WRN: variants seen among roughly 807,000 people sequenced by gnomAD.
The protein encoded by WRN is bifunctional 3'-5' exonuclease/ATP-dependent helicase WRN.
A neutral mutation model predicts 180.7 loss-of-function variants in WRN; 149 were observed. That is an observed-to-expected ratio of 0.82 (90% CI 0.72 to 0.94). WRN has a LOEUF of 0.94. Ranked by LOEUF, WRN falls within the 40% of genes least tolerant of loss-of-function variation. The probability of loss-of-function intolerance (pLI) is 0.00; values close to 1 mark genes in which losing one functional copy is unlikely to be tolerated. For synonymous variants in WRN, 548 were observed against 568.9 expected (o/e 0.96, Z 0.52); for missense variants, 1,661 against 1,700.1 (o/e 0.98, Z 0.40).
chr8:31,148,380 A>G (rs1802952239), intron 30 of WRN, among the ~76,000 whole-genome samples: 1 of 151,908 alleles, frequency 6.6e-6, no homozygotes, highest in Non-Finnish European at 1.5e-5. Flanking sequence ...ACCAAACTAA[A>G]TCTTCCTTTA....
chr8:31,146,136 CCTT>C (rs1359686169), intron 28 of WRN, among the ~76,000 whole-genome samples: 2 of 151,684 alleles, frequency 1.3e-5, no homozygotes, highest in Non-Finnish European at 2.9e-5. Flanking sequence ...CTGGCGTGTG[CCTT>C]CTTATTTCTG....
intron 33 of WRN, among the ~76,000 whole-genome samples, chr8:31,163,778 T>A (rs1803732047): frequency 6.6e-6 from 1 of 152,090 alleles, no homozygotes; most frequent in African/African-American, 2.4e-5. Flanking sequence ...ACATACAATA[T>A]GAAAAAGTAT....
chr8:31,103,764 T>C (rs1800972613), intron 18 of WRN, among the ~76,000 whole-genome samples: 1 of 152,166 alleles, frequency 6.6e-6, no homozygotes, highest in Admixed American at 6.5e-5. Context: ...TGAGACAGTC[T>C]GGTTCTGTCA....
chr8:31,131,160 C>CTTTTCTTTTTT (rs1554530523), intron 23 of WRN, among the ~76,000 whole-genome samples: 6 of 106,840 alleles, frequency 5.6e-5, no homozygotes, highest in Non-Finnish European at 1.8e-5. Flanking sequence ...TTGCAACTTT[C>CTTTTCTTTTTT]TTTTTTTTTG....
chr8:31,052,478 C>T (rs1812112302), intron 1 of WRN, among the ~76,000 whole-genome samples: 1 of 152,108 alleles, frequency 6.6e-6, no homozygotes, highest in Admixed American at 6.5e-5. Flanking sequence ...ACCTCTGCCT[C>T]CTGGGCTCAA....
In WRN at chr8:31,087,926, C is replaced by T. The variant is rs1428635169; in HGVS notation, c.1576+6C>T. The T allele has an allele frequency of 1.9e-6, 3 of 1,611,886 alleles. No homozygotes were observed. The East Asian group carries it at 6.7e-5, about 36-fold the overall frequency. On this transcript the variant is annotated splice_donor_region_variant and intron_variant, in intron 12 of 34. Transcript: ENST00000298139. ...GGAAGAAGATGATGATAAGGGTAAG[C>T]ACTGAAGTATGTTTGAAATGACTCA...
At chr8:31,154,518 T>G in intron 31 of WRN, 106 bp from the exon 32 acceptor site, 9 of 1,322,410 alleles carry the variant, frequency 6.8e-6, no homozygotes, top group Non-Finnish European at 9.2e-6. Flanking sequence ...TTGTTGCTTA[T>G]GGGTTTAACT....
chr8:31,096,833 A>T lies in WRN; in HGVS notation c.1964A>T (p.Gln655Leu), dbSNP rs376938452. 32 of 1,613,164 alleles carry T rather than the reference A, an allele frequency of 2.0e-5. No individual in the cohort carries two copies. The highest frequency in any genetic ancestry group is 2.3e-5 in the Non-Finnish European group (27 of 1,179,772). Residue 655 changes from glutamine to leucine, a missense_variant, in exon 17 of 35, where the codon CAA (glutamine) becomes CTA (leucine). Physicochemically the swap from Gln to Leu is moderately radical, Grantham distance 113. Around this residue, in one of 3 missense-constraint regions of WRN, gnomAD observed 1,141 missense variants for 1,149.4 expected, o/e 0.99. Coordinates refer to ENST00000298139, the MANE Select transcript of WRN (RefSeq NM_000553.6). Reference protein sequence around the residue: ...YCSGNMGLLQQLEADIGITLI... With the variant: ...YCSGNMGLLQLLEADIGITLI... Reference sequence around the variant, plus strand: ...TCAGGTAACATGGGCCTGCTCCAGCAACTTGAGGCTGATATTGGTAAGTGA... The same window carrying T: ...TCAGGTAACATGGGCCTGCTCCAGCTACTTGAGGCTGATATTGGTAAGTGA...
At chr8:31,096,989 C>A in intron 17 of WRN, 139 bp downstream of exon 17, 1 of 810,702 alleles carries the variant, frequency 1.2e-6, no homozygotes, top group Non-Finnish European at 2.1e-6. Flanking sequence ...GACTCTCTAA[C>A]TTGCTGTTTC....
At chr8:31,120,198 T>C (rs1451456388) in intron 20 of WRN, 45 bp from the exon 21 acceptor site, 1 of 1,609,374 alleles carries the variant, frequency 6.2e-7, no homozygotes, top group Non-Finnish European at 8.5e-7. Context: ...AAGGTTTTCA[T>C]TCTGCTAAAT....
At chr8:31,168,583 G>A (rs979164115) in intron 34 of WRN, among the ~76,000 whole-genome samples, 1 of 151,944 alleles carries the variant, frequency 6.6e-6, no homozygotes, top group South Asian at 2.1e-4. Flanking sequence ...ACCTTATTTG[G>A]CCCCTTTTCC....
chr8:31,052,146 T>C (rs1812099694), intron 1 of WRN, among the ~76,000 whole-genome samples: 1 of 152,242 alleles, frequency 6.6e-6, no homozygotes, highest in Admixed American at 6.5e-5. Flanking sequence ...GCCCTTGTTC[T>C]ATAGTATGAA....
In WRN at chr8:31,034,767, G is replaced by A. The variant is rs11574167; in HGVS notation, c.-77+794G>A. 8.9e-3 allele frequency among the ~76,000 whole-genome samples: 1,351 copies of A among 152,318 alleles called. 21 individuals carry two copies. Among genetic ancestry groups the A allele is most frequent in the African/African-American group, 0.031 (1,287 of 41,558 alleles). On this transcript the variant is annotated intron_variant, in intron 1 of 34. Coordinates refer to ENST00000298139, the MANE Select transcript of WRN (RefSeq NM_000553.6). The stretch of plus-strand genomic sequence containing the variant: ...CAAGCAGGTTTTTAAAGGCGAAGGG[G>A]AAGAGTGGGCTGAGACAAAGTTGGT...
chr8:31,083,875 A>G (rs1813419354), intron 10 of WRN, 96 bp downstream of exon 10: 1 of 1,281,274 alleles, frequency 7.8e-7, no homozygotes, highest in East Asian at 2.5e-5. Flanking sequence ...GTTCTACCAC[A>G]ATGAAATTGC....
Position 31,132,353 on chromosome 8 carries a change from A to G in WRN, c.2826-12A>G. On this transcript the variant is annotated splice_polypyrimidine_tract_variant and intron_variant, in intron 23 of 34. Coordinates refer to ENST00000298139, the MANE Select transcript of WRN (RefSeq NM_000553.6). ...TGCTAAGCTTTCTTCAAATGTTATT[A>G]TTTTTATTTAGATTGGATCATTGCT... 6.2e-7 allele frequency: 1 copy of G among 1,612,706 alleles called. No homozygotes were observed. The highest frequency in any genetic ancestry group is 8.5e-7 in the Non-Finnish European group (1 of 1,179,502).
chr8:31,174,906 CTTTT>C lies in WRN; in HGVS notation c.*1806_*1809del, dbSNP rs951084780. Among the ~76,000 whole-genome samples the C allele has an allele frequency of 7.3e-6, 1 of 136,448 alleles. No homozygotes were observed. The highest frequency in any genetic ancestry group is 2.7e-5 in the African/African-American group (1 of 36,732). 89.5% of individuals were successfully genotyped at this position (136,448 alleles called of 152,430 possible). On this transcript the variant is annotated 3_prime_UTR_variant, in exon 35 of 35. Transcript: ENST00000298139. ...TTTCTCTCTCTCTCTCTCTTTCTTT[CTTTT>C]TCTTTCTCTTTTTCTTTCTTTCAAG... is the stretch of plus-strand genomic sequence containing the variant.
intron 7 of WRN, among the ~76,000 whole-genome samples, chr8:31,070,299 G>A (rs1415169175): frequency 1.3e-5 from 2 of 151,602 alleles, no homozygotes; most frequent in African/African-American, 2.4e-5. Flanking sequence ...TGTACATATG[G>A]ATGATATTTT....
In WRN at chr8:31,096,778, C is replaced by A. The variant is rs148286708; in HGVS notation, c.1909C>A (p.Arg637=). The A allele has an allele frequency of 9.9e-6, 16 of 1,609,112 alleles. No homozygotes were observed. Among genetic ancestry groups the A allele is most frequent in the Non-Finnish European group, 1.3e-5 (15 of 1,178,962 alleles). ...TGTTTGTTTTTACAGAGGTAAATAC[C>A]GGATTGTATACGTAACTCCAGAATA... ...VLTDIKLGKY[R]IVYVTPEYCS... The change falls in exon 17 of 35, where the codon CGG becomes AGG. Residue 637 remains arginine, a synonymous_variant. Transcript: ENST00000298139.
At chr8:31,069,314 TCTTA>T (rs1812823668) in intron 7 of WRN, among the ~76,000 whole-genome samples, 1 of 152,204 alleles carries the variant, frequency 6.6e-6, no homozygotes, top group African/African-American at 2.4e-5. Context: ...GAGTCTTTAT[TCTTA>T]CTTCTCCTCC....
Sources: allele counts gnomAD v4.1 joint callset (sites outside exome capture counted in the v4.1 genomes callset), GRCh38; gene constraint gnomAD v4.1.1; regional missense constraint gnomAD v4.1.1; transcripts MANE v1.5; gene names NCBI Gene and HGNC (gene_info 2026-07-23, HGNC 2026-07-21).